Variants in ATM observed in about 807,000 individuals in gnomAD.
ATM encodes serine-protein kinase ATM.
ATM carries 308 observed loss-of-function variants against 387.0 expected under a neutral mutation model. That is an observed-to-expected ratio of 0.80 (90% CI 0.73 to 0.87). The LOEUF (loss-of-function observed/expected upper bound fraction) is 0.87. Among genes scored for constraint, ATM ranks in the 40% least tolerant of loss-of-function variants. ATM has a pLI of 0.00. For synonymous variants in ATM, 1,156 were observed against 1,187.3 expected (o/e 0.97, Z 0.54); for missense variants, 3,312 against 3,560.9 (o/e 0.93, Z 1.78).
intron 20 of ATM, among the ~76,000 whole-genome samples, chr11:108,272,076 C>T (rs904833843): frequency 9.2e-5 from 14 of 152,038 alleles, no homozygotes; most frequent in Non-Finnish European, 1.2e-4. Flanking sequence ...GGTTTCAACA[C>T]GTTGGCCAGG....
chr11:108,296,144 TTTTCTAGCTTGCTTGTTAA>T (rs1458472824), intron 32 of ATM: 2 of 152,214 alleles, frequency 1.3e-5, no homozygotes, highest in African/African-American at 4.8e-5. Context: ...ATTTGTAAGT[TTTTCTAGCTTGCTTGTTAA>T]TTTGATTTGA....
chr11:108,328,404 AC>A (rs2085906981), intron 48 of ATM, among the ~76,000 whole-genome samples: 4 of 151,914 alleles, frequency 2.6e-5, no homozygotes, highest in Non-Finnish European at 5.9e-5. Context: ...GTGCCACCAC[AC>A]CCGGCTAATA....
intron 5 of ATM, 63 bp downstream of exon 5, chr11:108,235,897 G>A (rs1307902745): frequency 2.5e-6 from 4 of 1,573,212 alleles, no homozygotes; most frequent in Non-Finnish European, 3.5e-6. Flanking sequence ...ACCAAAGAAA[G>A]CACTCTGTCT....
intron 33 of ATM, among the ~76,000 whole-genome samples, chr11:108,298,133 G>A (rs1487675147): frequency 6.6e-6 from 1 of 152,160 alleles, no homozygotes; most frequent in African/African-American, 2.4e-5. Flanking sequence ...AAAATAAGAA[G>A]CCAACATCAT....
intron 13 of ATM, 43 bp from the exon 14 acceptor site, chr11:108,256,172 T>C (rs1256773768): frequency 2.7e-6 from 4 of 1,463,638 alleles, no homozygotes; most frequent in African/African-American, 1.4e-5. Flanking sequence ...TATACTAAAT[T>C]ATTTATGAAA....
At position 108,345,883 on chromosome 11, in the gene ATM, G is replaced by A. The variant is rs368058202; in HGVS notation, c.8559G>A (p.Thr2853=). 9 of 1,613,670 alleles carry A rather than the reference G, an allele frequency of 5.6e-6. No homozygotes were observed. The highest frequency in any genetic ancestry group is 2.2e-5 in the East Asian group (1 of 44,814). Residue 2853 remains threonine, a synonymous_variant, in exon 58 of 63, where the codon ACG becomes ACA. Coordinates refer to ENST00000675843, the MANE Select transcript of ATM (RefSeq NM_000051.4). The part of the protein sequence containing the change: ...AIWFEKRLAY[T]RSVATSSIVG... ...GGTTTGAGAAGCGATTGGCTTATAC[G>A]CGCAGTGTAGCTACTTCTTCTATTG...
In ATM at chr11:108,279,517, C is replaced by A. The variant is rs1555090126; in HGVS notation, c.3311C>A (p.Ser1104Tyr). The change falls in exon 23 of 63, where the codon TCT becomes TAT. Residue 1104 changes from serine (S) to tyrosine (Y), a missense_variant. Physicochemically the swap from Ser to Tyr is moderately radical, Grantham distance 144 (BLOSUM62 -2). Coordinates refer to ENST00000675843, the MANE Select transcript of ATM (RefSeq NM_000051.4). ...TTGTTCCAGGACACGAAGGGAGATT[C>A]TTCCAGGTTACTGAAAGCACTTCCT... is the stretch of plus-strand genomic sequence containing the variant. ...NRLFQDTKGD[S>Y]SRLLKALPLK... The A allele has an allele frequency of 6.2e-7, 1 of 1,612,660 alleles. No homozygotes were observed. Among genetic ancestry groups the A allele is most frequent in the African/African-American group, 1.3e-5 (1 of 74,882 alleles).
chr11:108,261,648 G>A (rs547672469), intron 16 of ATM, among the ~76,000 whole-genome samples: 1,886 of 152,248 alleles, frequency 0.012, 48 homozygotes, highest in African/African-American at 0.042. Flanking sequence ...ACTTTGACGA[G>A]CTGAGAGAAG....
chr11:108,269,369 C>T (rs1394174621), intron 18 of ATM, among the ~76,000 whole-genome samples: 7 of 152,082 alleles, frequency 4.6e-5, no homozygotes, highest in Non-Finnish European at 8.8e-5. Context: ...TATACTTTGA[C>T]GAGAATGTTG....
At chr11:108,300,030 A>T in intron 34 of ATM, 145 bp downstream of exon 34, 1 of 779,372 alleles carries the variant, frequency 1.3e-6, no homozygotes, top group East Asian at 2.8e-5. Context: ...TATTTTTATT[A>T]ATTCACATAA....
Position 108,343,230 on chromosome 11 carries a change from C to G in ATM, c.8277C>G (p.Pro2759=). 6.2e-7 allele frequency: 1 copy of G among 1,613,814 alleles called. No homozygotes were observed. The highest frequency in any genetic ancestry group is 8.5e-7 in the Non-Finnish European group (1 of 1,179,886). Residue 2759 remains proline, a synonymous_variant, in exon 57 of 63, where the codon CCC becomes CCG. Transcript: ENST00000675843. The part of the protein sequence containing the change: ...KLTICTYKVV[P]LSQRSGVLEW... Reference sequence around the variant, plus strand: ...TTAATCTGTAACTCCAGGTGGTTCCCCTCTCTCAGCGAAGTGGTGTTCTTG... The same window carrying G: ...TTAATCTGTAACTCCAGGTGGTTCCGCTCTCTCAGCGAAGTGGTGTTCTTG...
intron 22 of ATM, 118 bp downstream of exon 22, chr11:108,272,970 C>A (rs1027778949): frequency 9.7e-5 from 122 of 1,260,786 alleles, no homozygotes; most frequent in Non-Finnish European, 1.3e-4. Flanking sequence ...TGAGTATATA[C>A]GGTGTGCCTG....
rs138967484 is a variant in ATM at position 108,328,307 on chromosome 11, C to T, written c.7089+549C>T. Among the ~76,000 whole-genome samples the T allele has an allele frequency of 2.3e-4, 35 of 152,272 alleles. 1 individual carries two copies. Among genetic ancestry groups the T allele is most frequent in the African/African-American group, 7.2e-4 (30 of 41,556 alleles). ...TGTCGCCCAAGCTGGAGTGCAGTGG[C>T]GCAATCTCGGCTCACTGCAACCTCT... On this transcript the variant is annotated intron_variant, in intron 48 of 62. Transcript: ENST00000675843.
At chr11:108,343,847 T>C (rs767241072) in intron 57 of ATM, among the ~76,000 whole-genome samples, 3 of 152,182 alleles carry the variant, frequency 2.0e-5, no homozygotes, top group Non-Finnish European at 4.4e-5. Context: ...GAAACTGATA[T>C]AGAAAACCTT....
At chr11:108,287,877 C>G (rs1180747842) in intron 27 of ATM, among the ~76,000 whole-genome samples, 162 bp downstream of exon 27, 2 of 152,122 alleles carry the variant, frequency 1.3e-5, no homozygotes, top group African/African-American at 4.8e-5. Flanking sequence ...ATTACCTATC[C>G]TCTTTTACCA....
In ATM at chr11:108,294,944, C is replaced by T; in HGVS notation, c.4794C>T (p.Leu1598=). 9 of 1,613,766 alleles carry T rather than the reference C, an allele frequency of 5.6e-6. No individual in the cohort carries two copies. The highest frequency in any genetic ancestry group is 7.6e-6 in the Non-Finnish European group (9 of 1,179,824). The change falls in exon 32 of 63, where the codon CTC becomes CTT. Residue 1598 remains leucine (L), a synonymous_variant. Transcript: ENST00000675843. ...FSLLEEINHF[L]SVSVYDALPL... ...TCTTTTAGGAAATTAACCATTTTCT[C>T]TCAGTAAGTGTTTATGATGCACTTC...
chr11:108,311,685 G>A (rs1009481134), intron 39 of ATM, among the ~76,000 whole-genome samples: 13 of 151,280 alleles, frequency 8.6e-5, no homozygotes, highest in Non-Finnish European at 1.5e-4. Context: ...GCGACAGAGC[G>A]AGACCCTATC....
intron 59 of ATM, among the ~76,000 whole-genome samples, chr11:108,348,421 T>A (rs531951187): frequency 4.7e-5 from 7 of 147,396 alleles, no homozygotes; most frequent in Non-Finnish European, 9.0e-5. Flanking sequence ...ATATAGACAG[T>A]TTAATATATA....
intron 22 of ATM, among the ~76,000 whole-genome samples, chr11:108,278,699 C>CT (rs568206154): frequency 2.6e-5 from 4 of 151,850 alleles, no homozygotes; most frequent in South Asian, 2.1e-4. Flanking sequence ...ATGCCAGGCT[C>CT]TTTTTTTTAA....
Sources: gnomAD v4.1 joint callset for allele counts (sites outside exome capture counted in the v4.1 genomes callset) on GRCh38, gnomAD v4.1.1 for gene constraint, MANE v1.5 for transcripts, NCBI Gene and HGNC (gene_info 2026-07-23, HGNC 2026-07-21) for gene names.